The following DLGAP2 variants were observed in gnomAD, a reference collection of about 807,000 sequenced individuals.
The protein encoded by DLGAP2 is disks large-associated protein 2.
A neutral mutation model predicts 100.3 loss-of-function variants in DLGAP2; 26 were observed. The ratio of observed to expected loss-of-function variants is 0.26; its 90% CI spans 0.19 to 0.36. The LOEUF (loss-of-function observed/expected upper bound fraction) is 0.36. Ranked by LOEUF, DLGAP2 falls within the 10% of genes least tolerant of loss-of-function variation. The probability of loss-of-function intolerance (pLI) is 1.00; values close to 1 mark genes in which losing one functional copy is unlikely to be tolerated. For synonymous variants in DLGAP2, 886 were observed against 630.1 expected, an observed-to-expected ratio of 1.41 and a Z score of -6.08; for missense variants, 1,858 against 1,453.2, an observed-to-expected ratio of 1.28 and a Z score of -4.53.
chr8:1,613,007 A>G (rs1303288097), intron 6 of DLGAP2, among the ~76,000 whole-genome samples: 5 of 126,566 alleles, frequency 4.0e-5, no homozygotes, highest in Non-Finnish European at 8.2e-5. Flanking sequence ...ATCTAGAACT[A>G]GAAATACCAT....
chr8:1,125,909 G>C (rs773488056), intron 2 of DLGAP2, among the ~76,000 whole-genome samples: 1 of 152,212 alleles, frequency 6.6e-6, no homozygotes, highest in Non-Finnish European at 1.5e-5. Context: ...GTTGAAGAAG[G>C]ACCCAGCGAG....
At chr8:829,990 T>A (rs967196706) in intron 1 of DLGAP2, among the ~76,000 whole-genome samples, 3 of 152,196 alleles carry the variant, frequency 2.0e-5, no homozygotes, top group Admixed American at 2.0e-4. Flanking sequence ...TCTATTTGAG[T>A]ACTTAATTAT....
chr8:1,356,454 G>A (rs1374091924), intron 3 of DLGAP2, among the ~76,000 whole-genome samples: 1 of 152,220 alleles, frequency 6.6e-6, no homozygotes, highest in Non-Finnish European at 1.5e-5. Context: ...GTCAGAGGCT[G>A]CAGTGGGCGT....
intron 3 of DLGAP2, among the ~76,000 whole-genome samples, chr8:1,385,166 AC>A (rs1158128300): frequency 7.1e-5 from 4 of 56,352 alleles, no homozygotes; most frequent in East Asian, 6.3e-4. Context: ...GTGCACAGTT[AC>A]CCCGGCCTAT....
intron 2 of DLGAP2, among the ~76,000 whole-genome samples, chr8:1,239,609 G>T (rs1295726938): frequency 7.8e-5 from 6 of 77,072 alleles, no homozygotes; most frequent in Admixed American, 1.5e-4. Flanking sequence ...ATGGTGCCGT[G>T]TCTAGTTCTC....
intron 6 of DLGAP2, among the ~76,000 whole-genome samples, chr8:1,610,696 A>T (rs953702065): frequency 7.2e-6 from 1 of 139,332 alleles, no homozygotes; most frequent in African/African-American, 2.9e-5. Flanking sequence ...ATAAAAAATG[A>T]TAAAGGGGAT....
At chr8:1,170,768 T>A (rs1011244172) in intron 2 of DLGAP2, among the ~76,000 whole-genome samples, 1 of 150,154 alleles carries the variant, frequency 6.7e-6, no homozygotes, top group Non-Finnish European at 1.5e-5. Context: ...TTTGATTCTT[T>A]TCTCTTTTTT....
chr8:1,445,250 C>T (rs1171440742), intron 3 of DLGAP2, among the ~76,000 whole-genome samples: 1 of 107,200 alleles, frequency 9.3e-6, no homozygotes. Context: ...CCCCCCACCC[C>T]ACAACAGTCC....
chr8:1,440,893 A>C (rs561412107), intron 3 of DLGAP2, among the ~76,000 whole-genome samples: 2 of 152,208 alleles, frequency 1.3e-5, no homozygotes, highest in Non-Finnish European at 2.9e-5. Flanking sequence ...TGCTACTTTC[A>C]TGCCAAGTTT....
intron 1 of DLGAP2, among the ~76,000 whole-genome samples, chr8:802,342 G>A (rs1008968910): frequency 4.6e-5 from 7 of 152,250 alleles, no homozygotes; most frequent in Non-Finnish European, 7.3e-5. Flanking sequence ...CGCTCCTCCT[G>A]GGTCCCCCCA....
chr8:1,230,949 A>G (rs920862739), intron 2 of DLGAP2, among the ~76,000 whole-genome samples: 50 of 152,208 alleles, frequency 3.3e-4, no homozygotes, highest in African/African-American at 1.1e-3. Context: ...CAGCCTTGGG[A>G]AAGGATTTAT....
rs1821860662 is a variant in DLGAP2 at position 786,223 on chromosome 8, C to T, written c.18+48398C>T. On this transcript the variant is annotated intron_variant, in intron 1 of 14. Transcript: ENST00000637795. Reference sequence around the variant, plus strand: ...TCTGGCTCATCAGTTTCCTCAGTAGCTCATGGGGCCCAGTGGTGTGTGGGG... The same window carrying T: ...TCTGGCTCATCAGTTTCCTCAGTAGTTCATGGGGCCCAGTGGTGTGTGGGG... Among the ~76,000 whole-genome samples the T allele has an allele frequency of 2.0e-5, 3 of 152,110 alleles. No homozygotes were observed. The South Asian group carries it at 6.2e-4, about 32-fold the overall frequency.
chr8:981,782 C>G (rs1251427076), intron 2 of DLGAP2, among the ~76,000 whole-genome samples: 1 of 152,166 alleles, frequency 6.6e-6, no homozygotes, highest in Admixed American at 6.5e-5. Context: ...GTGTTGTTGA[C>G]TTGTAGAAGT....
chr8:1,099,630 G>A (rs974779787), intron 2 of DLGAP2, among the ~76,000 whole-genome samples: 2 of 152,238 alleles, frequency 1.3e-5, no homozygotes, highest in African/African-American at 4.8e-5. Flanking sequence ...TGAAGCTTCA[G>A]AGGTGGAGAA....
chr8:1,011,080 G>C (rs753513819), intron 2 of DLGAP2, among the ~76,000 whole-genome samples: 3 of 152,002 alleles, frequency 2.0e-5, no homozygotes, highest in Admixed American at 6.5e-5. Flanking sequence ...TCTACACAGT[G>C]AGCCCTGGAA....
At chr8:1,488,401 G>C (rs909882167) in intron 3 of DLGAP2, among the ~76,000 whole-genome samples, 3 of 152,212 alleles carry the variant, frequency 2.0e-5, no homozygotes, top group Non-Finnish European at 4.4e-5. Context: ...TTTGATGCCA[G>C]AAAAGGAGTG....
intron 2 of DLGAP2, among the ~76,000 whole-genome samples, chr8:1,095,827 G>A (rs559227158): frequency 1.2e-4 from 19 of 152,298 alleles, no homozygotes; most frequent in South Asian, 2.1e-4. Context: ...GCATGCATTA[G>A]GAAGAGCTTA....
chr8:943,814 C>A (rs569991699), intron 2 of DLGAP2, among the ~76,000 whole-genome samples: 1 of 152,242 alleles, frequency 6.6e-6, no homozygotes, highest in Non-Finnish European at 1.5e-5. Context: ...TTTAGTGAAA[C>A]ATTATGGATT....
chr8:1,000,219 C>T (rs892795456), intron 2 of DLGAP2, among the ~76,000 whole-genome samples: 3 of 150,658 alleles, frequency 2.0e-5, no homozygotes, highest in South Asian at 4.2e-4. Flanking sequence ...TTCTCTAGAG[C>T]GGACAGATCC....
Sources: allele counts gnomAD v4.1 joint callset (sites outside exome capture counted in the v4.1 genomes callset), GRCh38; gene constraint gnomAD v4.1.1; transcripts MANE v1.5; gene names NCBI Gene and HGNC (gene_info 2026-07-23, HGNC 2026-07-21).